The following ITGAD variants were observed in gnomAD, a reference collection of about 807,000 sequenced individuals.
ITGAD encodes integrin subunit alpha D, also known as integrin alpha-D.
A neutral mutation model predicts 139.0 loss-of-function variants in ITGAD; 105 were observed. That is an observed-to-expected ratio of 0.76 (90% CI 0.65 to 0.89). ITGAD has a LOEUF of 0.89. Ranked by LOEUF, ITGAD falls within the 40% of genes least tolerant of loss-of-function variation. The probability of loss-of-function intolerance (pLI) is 0.00; values close to 1 mark genes in which losing one functional copy is unlikely to be tolerated. For synonymous variants in ITGAD, 569 were observed against 598.3 expected (o/e 0.95, Z 0.71); for missense variants, 1,384 against 1,487.3 (o/e 0.93, Z 1.14).
intron 23 of ITGAD, among the ~76,000 whole-genome samples, chr16:31,419,304 G>A (rs1303524683): frequency 6.6e-6 from 1 of 152,078 alleles, no homozygotes; most frequent in Non-Finnish European, 1.5e-5. Context: ...TGTCATAGCA[G>A]TTGTAACATT....
chr16:31,425,970 C>T (rs372023063), intron 29 of ITGAD, 45 bp from the exon 30 acceptor site: 74 of 1,339,736 alleles, frequency 5.5e-5, no homozygotes, highest in Admixed American at 6.9e-5. Context: ...TGTGAGCCAC[C>T]GGGCCCGGAC....
chr16:31,424,206 A>G lies in ITGAD; in HGVS notation c.3261+3A>G, dbSNP rs2082066257. On this transcript the variant is annotated splice_donor_region_variant and intron_variant, in intron 28 of 29. Coordinates refer to ENST00000389202, the MANE Select transcript of ITGAD (RefSeq NM_005353.3). ...AGGAGGCATTTATGAGAGCTCAGGT[A>G]GAGACCATGTGGAGGGCAGCGACCA... 6.2e-7 allele frequency: 1 copy of G among 1,614,166 alleles called. No individual in the cohort carries two copies. The highest frequency in any genetic ancestry group is 1.7e-5 in the Admixed American group (1 of 60,028).
chr16:31,424,596 T>G lies in ITGAD; in HGVS notation c.3372+19T>G. 2.3e-6 allele frequency: 3 copies of G among 1,290,366 alleles called. No homozygotes were observed. The highest frequency in any genetic ancestry group is 3.3e-6 in the Non-Finnish European group (3 of 922,958). 79.9% of individuals were successfully genotyped at this position (1,290,366 alleles called of 1,614,324 possible). ...GTACAAGGCAAGTGTTTTATCCAAC[T>G]CTTTTTTTTTTTTTTTTGAGATGGA... On this transcript the variant is annotated intron_variant, in intron 29 of 29. Coordinates refer to ENST00000389202, the MANE Select transcript of ITGAD (RefSeq NM_005353.3).
At position 31,397,703 on chromosome 16, in the gene ITGAD, G is replaced by C. The variant is rs575585724; in HGVS notation, c.312+37G>C. The C allele has an allele frequency of 1.4e-5, 10 of 728,894 alleles. No homozygotes were observed. In the South Asian group the frequency reaches 1.4e-4, roughly 10 times the overall value. The allele number at this position is 728,894 out of a possible 1,614,324, so 45.2% of individuals were successfully genotyped here. A position where few individuals can be genotyped will look rare whatever the true frequency, so the allele number is the denominator to read the frequency against. The stretch of plus-strand genomic sequence containing the variant: ...TCTTGGGCCACGGGGGGGTGGGGTG[G>C]GGCGGGGGGTGTTGTTGGGGAGGAG... On this transcript the variant is annotated intron_variant, in intron 4 of 29. Transcript: ENST00000389202.
Position 31,403,321 on chromosome 16 carries a change from A to G in ITGAD, c.559-179A>G, listed in dbSNP as rs2081452469. 2 of 699,028 alleles carry G rather than the reference A, an allele frequency of 2.9e-6. No homozygotes were observed. The highest frequency in any genetic ancestry group is 2.8e-5 in the Admixed American group (1 of 35,174). 43.3% of individuals were successfully genotyped at this position (699,028 alleles called of 1,614,324 possible). A position where few individuals can be genotyped will look rare whatever the true frequency, so the allele number is the denominator to read the frequency against. ...AGACCTTGTCTCTACCAAAAACAAA[A>G]CAAAACAAAAAACAAAGCCAGGCAT... On this transcript the variant is annotated intron_variant, in intron 6 of 29. Coordinates refer to ENST00000389202, the MANE Select transcript of ITGAD (RefSeq NM_005353.3). This position sits in a 1 kb window ranked among gnomAD's most constrained non-coding sequence, Gnocchi z 4.4.
In ITGAD at chr16:31,426,303, T is replaced by C; in HGVS notation, c.*175T>C. On this transcript the variant is annotated 3_prime_UTR_variant, in exon 30 of 30. Transcript: ENST00000389202. ...TAATGTTTTTACATATCTGTCCATC[T>C]TTTTCAGCAATGACCCACTTTTTAC... 1.9e-6 allele frequency: 1 copy of C among 539,440 alleles called. No homozygotes were observed. Among genetic ancestry groups the C allele is most frequent in the Non-Finnish European group, 3.3e-6 (1 of 299,330 alleles). 33.4% of individuals were successfully genotyped at this position (539,440 alleles called of 1,614,324 possible).
intron 6 of ITGAD, chr16:31,402,684 A>C (rs7188682): frequency 0.42 from 65,591 of 155,906 alleles, 14,837 homozygotes; most frequent in East Asian, 0.62. Flanking sequence ...CTCACTGCAG[A>C]CTTGATCTCC....
chr16:31,411,380 C>G lies in ITGAD; in HGVS notation c.1570C>G (p.Leu524Val), dbSNP rs2081706421. The G allele has an allele frequency of 6.2e-7, 1 of 1,613,926 alleles. No homozygotes were observed. The highest frequency in any genetic ancestry group is 1.3e-5 in the African/African-American group (1 of 74,884). Reference sequence around the variant, plus strand: ...CCCCTGGGGCCGCTTTGGGGCAGCCCTGACAGTGTTGGGGGATGTGAATGA... The same window carrying G: ...CCCCTGGGGCCGCTTTGGGGCAGCCGTGACAGTGTTGGGGGATGTGAATGA... ...GHPWGRFGAA[L>V]TVLGDVNEDK... is the part of the protein sequence containing the mutation. The change falls in exon 14 of 30, where the codon CTG becomes GTG. Residue 524 changes from leucine to valine, a missense_variant. Transcript: ENST00000389202.
At chr16:31,425,334 C>G (rs146112142) in intron 29 of ITGAD, among the ~76,000 whole-genome samples, 5,812 of 152,196 alleles carry the variant, frequency 0.038, 368 homozygotes, top group African/African-American at 0.13. Flanking sequence ...GCCTCCCAAA[C>G]TGCTGGGTTT....
chr16:31,419,070 G>A (rs1381904476), intron 23 of ITGAD, among the ~76,000 whole-genome samples: 1 of 149,588 alleles, frequency 6.7e-6, no homozygotes. Flanking sequence ...GCGCATGCCT[G>A]TAATCCCAGC....
At position 31,424,149 on chromosome 16, in the gene ITGAD, C is replaced by T. The variant is rs575673930; in HGVS notation, c.3207C>T (p.Phe1069=). The T allele has an allele frequency of 7.3e-5, 118 of 1,614,030 alleles. 1 individual carries two copies. In the Middle Eastern group the frequency reaches 8.2e-4, roughly 11 times the overall value. The change falls in exon 28 of 30, where the codon TTC becomes TTT. Residue 1069 remains phenylalanine (F), a synonymous_variant. Coordinates refer to ENST00000389202, the MANE Select transcript of ITGAD (RefSeq NM_005353.3). ...VLVVSVAEIT[F]DTSVYSQLPG... ...TCGTGAGTGTGGCTGAAATTACGTTCGACACATCCGTGTACTCCCAGCTTC... is the reference window on the plus strand; with the variant it reads ...TCGTGAGTGTGGCTGAAATTACGTTTGACACATCCGTGTACTCCCAGCTTC...
intron 4 of ITGAD, 21 bp downstream of exon 4, chr16:31,397,687 ACGGGGGGGTGGGGTGGGG>A: frequency 6.6e-5 from 12 of 181,728 alleles, no homozygotes; most frequent in Non-Finnish European, 1.2e-4. Flanking sequence ...GTCTTGGGCC[ACGGGGGGGTGGGGTGGGG>A]CGGGGGGTGT....
intron 12 of ITGAD, 86 bp downstream of exon 12, chr16:31,410,964 G>A (rs1332489898): frequency 6.3e-7 from 1 of 1,595,300 alleles, no homozygotes; most frequent in African/African-American, 1.3e-5. Context: ...AGAGGATGGA[G>A]GGGCTTTGGG....
At chr16:31,394,151 G>C in intron 1 of ITGAD, 85 bp from the exon 2 acceptor site, 1 of 595,900 alleles carries the variant, frequency 1.7e-6, no homozygotes, top group Non-Finnish European at 2.8e-6. Flanking sequence ...AAAAAAAAAA[G>C]AAAAAAAAGA....
chr16:31,423,943 C>T lies in ITGAD; in HGVS notation c.3144C>T (p.Phe1048=), dbSNP rs772928919. The change falls in exon 27 of 30, where the codon TTC becomes TTT. Residue 1048 remains phenylalanine (F), a synonymous_variant. Coordinates refer to ENST00000389202, the MANE Select transcript of ITGAD (RefSeq NM_005353.3). ...LDFTLKGNLS[F]GWVRETLQKK... ...TCACCCTGAAGGGCAATCTCAGTTT[C>T]GGCTGGGTCCGCGAGGTGTGTGGGG... 1.6e-5 allele frequency: 26 copies of T among 1,614,058 alleles called. No homozygotes were observed. The highest frequency in any genetic ancestry group is 1.5e-4 in the Admixed American group (9 of 60,006).
In ITGAD at chr16:31,426,019, G is replaced by T. The variant is rs1460832706; in HGVS notation, c.3377G>T (p.Gly1126Val). The change falls in exon 30 of 30, where the codon GGC becomes GTC. Residue 1126 changes from glycine to valine, a missense_variant. Transcript: ENST00000389202. ...CTAATTTATTTCCCCTGATAGCTTG[G>T]CTTCTTCAAACGCCACTACAAGGAA... ...ALITATLYKLGFFKRHYKEML... is the reference protein window; with the variant it reads ...ALITATLYKLVFFKRHYKEML... 6.2e-7 allele frequency: 1 copy of T among 1,611,038 alleles called. No homozygotes were observed. The highest frequency in any genetic ancestry group is 8.5e-7 in the Non-Finnish European group (1 of 1,177,216).
chr16:31,409,347 A>AAG (rs56991914), intron 10 of ITGAD, among the ~76,000 whole-genome samples: 17 of 132,982 alleles, frequency 1.3e-4, no homozygotes, highest in Admixed American at 7.4e-5. Context: ...GCAAAAAAAA[A>AAG]CAAAAACAAA....
rs770305378 is a variant in ITGAD, at chr16:31,393,353, G to A, written c.-8G>A. ...ACCTTCCACTTCCCCTCAACGCGCT[G>A]CTCAGGGATGACCTTCGGCACTGTG... On this transcript the variant is annotated 5_prime_UTR_variant, in exon 1 of 30. Coordinates refer to ENST00000389202, the MANE Select transcript of ITGAD (RefSeq NM_005353.3). The A allele has an allele frequency of 6.2e-7, 1 of 1,614,086 alleles. No homozygotes were observed. The highest frequency in any genetic ancestry group is 2.2e-5 in the East Asian group (1 of 44,866).
intron 5 of ITGAD, among the ~76,000 whole-genome samples, chr16:31,398,586 A>ATCC (rs992028189): frequency 2.0e-5 from 3 of 151,928 alleles, no homozygotes; most frequent in Non-Finnish European, 4.4e-5. Context: ...GGCTCAAGTG[A>ATCC]TCCTCCTCCC....
Sources: gnomAD v4.1 joint callset for allele counts (sites outside exome capture counted in the v4.1 genomes callset) on GRCh38, gnomAD v4.1.1 for gene constraint, Gnocchi (gnomAD v3.1) non-coding constraint, MANE v1.5 for transcripts, NCBI Gene and HGNC (gene_info 2026-07-23, HGNC 2026-07-21) for gene names.